Variants in SORT1 observed in about 807,000 individuals in gnomAD.
SORT1 encodes sortilin 1, also known as sortilin.
A neutral mutation model predicts 101.7 loss-of-function variants in SORT1; 39 were observed. The ratio of observed to expected loss-of-function variants is 0.38; its 90% confidence interval spans 0.30 to 0.50. SORT1 has a LOEUF of 0.50. Ranked by LOEUF, SORT1 falls within the 20% of genes least tolerant of loss-of-function variation. The pLI is 0.90. For synonymous variants in SORT1, 396 were observed against 393.7 expected (o/e 1.01, Z -0.07); for missense variants, 878 against 1,040.4 (o/e 0.84, Z 2.15).
chr1:109,397,743 C>CCAGCGCGG lies in SORT1; in HGVS notation c.142_149dup (p.Trp50CysfsTer10). ...CCCAGCTCACCCCGATGGGGCCAGA[C>CCAGCGCGG]CAGCGCGGCAGCGGCGCAGCGGGCG... On this transcript the variant is annotated frameshift_variant, in exon 1 of 20. Coordinates refer to ENST00000256637, the MANE Select transcript of SORT1 (RefSeq NM_002959.7). LOFTEE classifies it high-confidence loss of function. 1 of 1,198,758 alleles carries CCAGCGCGG rather than the reference C, an allele frequency of 8.3e-7. No individual in the cohort carries two copies. The highest frequency in any genetic ancestry group is 1.0e-6 in the Non-Finnish European group (1 of 966,624). The allele number at this position is 1,198,758 out of a possible 1,614,324, so 74.3% of individuals were successfully genotyped here.
Position 109,327,077 on chromosome 1 carries a change from C to A in SORT1, c.1558G>T (p.Glu520Ter). The A allele has an allele frequency of 6.2e-7, 1 of 1,613,274 alleles. No individual in the cohort carries two copies. ...AGGATGGTGTAATAGTGGGGTCCTTCCAGCATCTTTGTCCAGGAGTAACCC... is the reference window on the plus strand; with the variant it reads ...AGGATGGTGTAATAGTGGGGTCCTTACAGCATCTTTGTCCAGGAGTAACCC... ...DGGYSWTKMLEGPHYYTILDS... is the reference protein window; with the variant it reads ...DGGYSWTKML Residue 520 changes from glutamate (E) to a stop codon, truncating the protein, a stop_gained, in exon 13 of 20, where the codon GAA (glutamate) becomes TAA (stop). Transcript: ENST00000256637. LOFTEE classifies it high-confidence loss of function.
At chr1:109,371,665 C>G (rs1244840376) in intron 1 of SORT1, among the ~76,000 whole-genome samples, 2 of 152,150 alleles carry the variant, frequency 1.3e-5, no homozygotes, top group African/African-American at 4.8e-5. Context: ...TGCTCAACTA[C>G]AGAATGAGGA....
At chr1:109,376,950 T>C (rs541969702) in intron 1 of SORT1, among the ~76,000 whole-genome samples, 2 of 152,302 alleles carry the variant, frequency 1.3e-5, no homozygotes, top group East Asian at 1.9e-4. Context: ...CAGCATTCTA[T>C]TGTGGGTGTT....
intron 12 of SORT1, 77 bp downstream of exon 12, chr1:109,327,422 G>GA: frequency 1.1e-6 from 1 of 903,512 alleles, no homozygotes; most frequent in Non-Finnish European, 1.7e-6. Context: ...TTCTCAGAGC[G>GA]TTCAAAGCCT....
intron 1 of SORT1, among the ~76,000 whole-genome samples, chr1:109,381,322 T>G (rs372524932): frequency 1.3e-5 from 2 of 152,188 alleles, no homozygotes; most frequent in East Asian, 1.9e-4. Flanking sequence ...GAGATATTAC[T>G]ATACCTGTAT....
At chr1:109,318,756 G>A (rs534541593) in intron 15 of SORT1, among the ~76,000 whole-genome samples, 2 of 152,160 alleles carry the variant, frequency 1.3e-5, no homozygotes, top group East Asian at 3.9e-4. Context: ...GGGCTCAAGT[G>A]ATCTTTCCGC....
intron 15 of SORT1, among the ~76,000 whole-genome samples, chr1:109,318,729 T>C (rs1187156116): frequency 1.3e-5 from 2 of 150,150 alleles, no homozygotes; most frequent in Non-Finnish European, 3.0e-5. Context: ...GCATGAACAC[T>C]GTAGCTTCAA....
At chr1:109,350,780 C>T in intron 6 of SORT1, 149 bp downstream of exon 6, 1 of 630,314 alleles carries the variant, frequency 1.6e-6, no homozygotes, top group Non-Finnish European at 2.9e-6. Flanking sequence ...CAGGTCAAGG[C>T]CTGTGTCACA....
chr1:109,380,504 T>C (rs1444731102), intron 1 of SORT1, among the ~76,000 whole-genome samples: 7 of 151,990 alleles, frequency 4.6e-5, no homozygotes, highest in African/African-American at 1.7e-4. Context: ...AGGGTTTCAA[T>C]TAATATAAAA....
In SORT1 at chr1:109,347,536, C is replaced by T. The variant is rs1406013857; in HGVS notation, c.783-4G>A. 1 of 1,604,958 alleles carries T rather than the reference C, an allele frequency of 6.2e-7. No individual in the cohort carries two copies. Among genetic ancestry groups the T allele is most frequent in the South Asian group, 1.1e-5 (1 of 90,902 alleles). On this transcript the variant is annotated splice_region_variant and splice_polypyrimidine_tract_variant and intron_variant, in intron 6 of 19. Coordinates refer to ENST00000256637, the MANE Select transcript of SORT1 (RefSeq NM_002959.7). Reference sequence around the variant, plus strand: ...GAAGATGGTGTTGTCTGATCCCCTACAATGAGGCAAAAACAGGGAAAAGAA... The same window carrying T: ...GAAGATGGTGTTGTCTGATCCCCTATAATGAGGCAAAAACAGGGAAAAGAA...
intron 1 of SORT1, among the ~76,000 whole-genome samples, chr1:109,391,152 C>G (rs1652895434): frequency 6.6e-6 from 1 of 152,012 alleles, no homozygotes; most frequent in Non-Finnish European, 1.5e-5. Context: ...CAACAAGGAA[C>G]AAACGGTAAA....
chr1:109,396,387 T>C (rs1653177829), intron 1 of SORT1, among the ~76,000 whole-genome samples: 1 of 152,102 alleles, frequency 6.6e-6, no homozygotes, highest in Admixed American at 6.5e-5. Flanking sequence ...AGGAAGTCTA[T>C]TCGATTTTTT....
rs1272990158 is a variant in SORT1 at position 109,353,319 on chromosome 1, ACT to A, written c.708+1046_708+1047del. ...CTCCAGCCTGGGCAAGAAGAGCAAA[ACT>A]CTGTCTCAAAAAAAAAAAAAAAAAA... On this transcript the variant is annotated intron_variant, in intron 5 of 19. Transcript: ENST00000256637. 5.0e-5 allele frequency among the ~76,000 whole-genome samples: 7 copies of A among 141,266 alleles called. No individual in the cohort carries two copies. In the Admixed American group the frequency reaches 5.0e-4, roughly 10 times the overall value. The allele number at this position is 141,266 out of a possible 152,430, so 92.7% of individuals were successfully genotyped here. A position where few individuals can be genotyped will look rare whatever the true frequency, so the allele number is the denominator to read the frequency against.
rs1203752210 is a variant in SORT1 at position 109,312,426 on chromosome 1, T to G, written c.*1617A>C. On this transcript the variant is annotated 3_prime_UTR_variant, in exon 20 of 20. Coordinates refer to ENST00000256637, the MANE Select transcript of SORT1 (RefSeq NM_002959.7). ...AGTCTCCATCCACTCTCTCCCCCACTTTCCACGCAGCTGTTAATCCATTCT... is the reference window on the plus strand; with the variant it reads ...AGTCTCCATCCACTCTCTCCCCCACGTTCCACGCAGCTGTTAATCCATTCT... 6.6e-6 allele frequency: 1 copy of G among 152,396 alleles called. No homozygotes were observed. The highest frequency in any genetic ancestry group is 1.9e-4 in the East Asian group (1 of 5,186). The allele number at this position is 152,396 out of a possible 1,614,324, so 9.4% of individuals were successfully genotyped here.
chr1:109,397,827 GA>G lies in SORT1; in HGVS notation c.65del (p.Leu22ProfsTer35). 7.7e-7 allele frequency: 1 copy of G among 1,301,484 alleles called. No individual in the cohort carries two copies. The highest frequency in any genetic ancestry group is 1.7e-5 in the South Asian group (1 of 58,316). 80.6% of individuals were successfully genotyped at this position (1,301,484 alleles called of 1,614,324 possible). ...TCGACGGCGGCAGCAGCTGCAGGAG[GA>G]GGAGGAGGCCGAGGCCATGGGGCCA... ...SRWPHGLGLL[L>X]LLQLLPPSTL... On this transcript the variant is annotated frameshift_variant, in exon 1 of 20. Coordinates refer to ENST00000256637, the MANE Select transcript of SORT1 (RefSeq NM_002959.7). LOFTEE classifies it high-confidence loss of function.
chr1:109,338,415 G>A (rs758679147), intron 10 of SORT1, among the ~76,000 whole-genome samples: 42 of 152,114 alleles, frequency 2.8e-4, no homozygotes, highest in Admixed American at 5.2e-4. Context: ...AATAAAAACA[G>A]CCCCTACCTC....
intron 1 of SORT1, among the ~76,000 whole-genome samples, chr1:109,375,906 T>C (rs758678984): frequency 2.5e-4 from 38 of 152,238 alleles, no homozygotes; most frequent in Non-Finnish European, 4.9e-4. Context: ...TACCATCTCA[T>C]ACTAGAAAGA....
In SORT1 at chr1:109,340,873, C is replaced by A; in HGVS notation, c.1115G>T (p.Gly372Val). Residue 372 changes from glycine to valine, a missense_variant, in exon 10 of 20, where the codon GGG becomes GTG. Physicochemically the swap from Gly to Val is moderately radical, Grantham distance 109. This residue lies in a region of SORT1 where 684 missense variants were observed against 894.5 expected (regional missense o/e 0.76). Transcript: ENST00000256637. ...ATCTGAGGTAAAGATTGTGCCAAAC[C>A]CAGTGTCTGAAATAGGCAAACAAAC... ...FMHVDEPGDT[G>V]FGTIFTSDDR... 4 of 1,610,502 alleles carry A rather than the reference C, an allele frequency of 2.5e-6. No individual in the cohort carries two copies. Among genetic ancestry groups the A allele is most frequent in the Non-Finnish European group, 3.4e-6 (4 of 1,177,772 alleles).
chr1:109,359,117 G>A (rs1362397414), intron 3 of SORT1, among the ~76,000 whole-genome samples: 1 of 152,140 alleles, frequency 6.6e-6, no homozygotes, highest in Non-Finnish European at 1.5e-5. Context: ...TGTTCTGGAG[G>A]CTGAGAAGTC....
Sources: allele counts gnomAD v4.1 joint callset (sites outside exome capture counted in the v4.1 genomes callset), GRCh38; gene constraint gnomAD v4.1.1; regional missense constraint gnomAD v4.1.1; transcripts MANE v1.5; gene names NCBI Gene and HGNC (gene_info 2026-07-23, HGNC 2026-07-21).